HLA-E: variants seen among roughly 807,000 people sequenced by gnomAD.
HLA-E encodes the protein major histocompatibility complex, class I, E, also known as HLA class I histocompatibility antigen, alpha chain E.
Under a neutral mutation model 43.4 loss-of-function variants are expected in HLA-E, and 25 were observed. The ratio of observed to expected loss-of-function variants is 0.58; its 90% CI spans 0.42 to 0.80. HLA-E has a LOEUF of 0.80. Ranked by LOEUF, HLA-E falls within the 30% of genes least tolerant of loss-of-function variation. HLA-E has a pLI of 0.00. For synonymous variants in HLA-E, 161 were observed against 197.6 expected (o/e 0.81, Z 1.55); for missense variants, 343 against 470.0 (o/e 0.73, Z 2.50).
rs768440051 is a variant in HLA-E at position 30,490,240 on chromosome 6, G to C, written c.335G>C (p.Gly112Ala). 1 of 1,611,794 alleles carries C rather than the reference G, an allele frequency of 6.2e-7. No homozygotes were observed. The highest frequency in any genetic ancestry group is 2.2e-5 in the East Asian group (1 of 44,878). The change falls in exon 3 of 8, where the codon GGG becomes GCG. Residue 112 changes from glycine (G) to alanine (A), a missense_variant and splice_region_variant. Coordinates refer to ENST00000376630, the MANE Select transcript of HLA-E (RefSeq NM_005516.6). The surrounding 1 kb of genome is among the most constrained non-coding windows in gnomAD (Gnocchi z 6.6). The stretch of plus-strand genomic sequence containing the variant: ...GGGACTGACTAAGGGGCGGGGCCAG[G>C]GTCTCACACCCTGCAGTGGATGCAT... ...LRGYYNQSEAGSHTLQWMHGC... is the reference protein window; with the variant it reads ...LRGYYNQSEAASHTLQWMHGC...
chr6:30,490,545 T>A lies in HLA-E; in HGVS notation c.610+30T>A, dbSNP rs41265828. 27,184 of 1,600,164 alleles carry A rather than the reference T, an allele frequency of 0.017. 318 individuals carry two copies. The highest frequency in any genetic ancestry group is 0.02 in the Non-Finnish European group (23,803 of 1,172,668). On this transcript the variant is annotated intron_variant, in intron 3 of 7. Transcript: ENST00000376630. The surrounding 1 kb of genome is among the most constrained non-coding windows in gnomAD (Gnocchi z 6.6). ...GAGGGTCCACAGGGCTACTCTCCCA[T>A]CTCCTTCTTGGGCTAGGACTGTGCC...
chr6:30,491,026 C>T lies in HLA-E; in HGVS notation c.611-111C>T. 1 of 1,441,126 alleles carries T rather than the reference C, an allele frequency of 6.9e-7. No individual in the cohort carries two copies. Among genetic ancestry groups the T allele is most frequent in the Non-Finnish European group, 9.5e-7 (1 of 1,053,402 alleles). The allele number at this position is 1,441,126 out of a possible 1,614,324, so 89.3% of individuals were successfully genotyped here. On this transcript the variant is annotated intron_variant, in intron 3 of 7. Coordinates refer to ENST00000376630, the MANE Select transcript of HLA-E (RefSeq NM_005516.6). The surrounding 1 kb of genome is among the most constrained non-coding windows in gnomAD (Gnocchi z 5.4). ...TCCAGGCTGGTGTCAAGGTTTTGTC[C>T]TCTTCTCCTACTATAATTGTCCTCT...
Position 30,492,345 on chromosome 6 carries a change from C to G in HLA-E, c.1004-59C>G. 6.3e-7 allele frequency: 1 copy of G among 1,588,296 alleles called. No individual in the cohort carries two copies. Among genetic ancestry groups the G allele is most frequent in the East Asian group, 2.2e-5 (1 of 44,744 alleles). ...TGGGATCCAAAACTAGGAGGTTCCTCTAGGACCTTATGGCCCTGCCTCCTC... is the reference window on the plus strand; with the variant it reads ...TGGGATCCAAAACTAGGAGGTTCCTGTAGGACCTTATGGCCCTGCCTCCTC... On this transcript the variant is annotated intron_variant, in intron 5 of 7. Coordinates refer to ENST00000376630, the MANE Select transcript of HLA-E (RefSeq NM_005516.6). The surrounding 1 kb of genome is among the most constrained non-coding windows in gnomAD (Gnocchi z 4.5).
Position 30,490,288 on chromosome 6 carries a change from G to A in HLA-E, c.383G>A (p.Gly128Glu). The change falls in exon 3 of 8, where the codon GGG becomes GAG. Residue 128 changes from glycine to glutamate, a missense_variant. This residue lies in a region of HLA-E where 59 missense variants were observed against 42.0 expected (regional missense o/e 1.40). Coordinates refer to ENST00000376630, the MANE Select transcript of HLA-E (RefSeq NM_005516.6). This position sits in a 1 kb window ranked among gnomAD's most constrained non-coding sequence, Gnocchi z 6.6. ...CATGGCTGCGAGCTGGGGCCCGACG[G>A]GCGCTTCCTCCGCGGGTATGAACAG... is the stretch of plus-strand genomic sequence containing the variant. Reference protein sequence around the residue: ...WMHGCELGPDGRFLRGYEQFA... With the variant: ...WMHGCELGPDERFLRGYEQFA... The A allele has an allele frequency of 1.9e-6, 3 of 1,613,068 alleles. No homozygotes were observed. Among genetic ancestry groups the A allele is most frequent in the Non-Finnish European group, 2.5e-6 (3 of 1,180,018 alleles).
In HLA-E at chr6:30,492,772, G is replaced by A. The variant is rs1018873011; in HGVS notation, c.*26G>A. 2.3e-5 allele frequency: 16 copies of A among 699,642 alleles called. No homozygotes were observed. The highest frequency in any genetic ancestry group is 5.2e-5 in the South Asian group (3 of 57,494). The allele number at this position is 699,642 out of a possible 1,614,324, so 43.3% of individuals were successfully genotyped here. On this transcript the variant is annotated 3_prime_UTR_variant, in exon 8 of 8. Transcript: ENST00000376630. This position sits in a 1 kb window ranked among gnomAD's most constrained non-coding sequence, Gnocchi z 4.5. ...AGCCTGAGACAGCTGCCTTGTGTGC[G>A]ACTGAGATGCACAGCTGCCTTGTGT... is the stretch of plus-strand genomic sequence containing the variant.
In HLA-E at chr6:30,492,843, G is replaced by C; in HGVS notation, c.*97G>C. The C allele has an allele frequency of 1.6e-6, 1 of 614,256 alleles. No individual in the cohort carries two copies. Among genetic ancestry groups the C allele is most frequent in the Non-Finnish European group, 2.9e-6 (1 of 345,608 alleles). 38.1% of individuals were successfully genotyped at this position (614,256 alleles called of 1,614,324 possible). ...CCTCACGCCTCCCCTATGTGTCTTAGGGGACTCTGGCTTCTCTTTTTGCAA... is the reference window on the plus strand; with the variant it reads ...CCTCACGCCTCCCCTATGTGTCTTACGGGACTCTGGCTTCTCTTTTTGCAA... On this transcript the variant is annotated 3_prime_UTR_variant, in exon 8 of 8. Coordinates refer to ENST00000376630, the MANE Select transcript of HLA-E (RefSeq NM_005516.6). This position sits in a 1 kb window ranked among gnomAD's most constrained non-coding sequence, Gnocchi z 4.5.
At position 30,490,452 on chromosome 6, in the gene HLA-E, G is replaced by C; in HGVS notation, c.547G>C (p.Asp183His). ...GGAGCACCAGAGAGCCTACCTGGAA[G>C]ACACATGCGTGGAGTGGCTCCACAA... is the stretch of plus-strand genomic sequence containing the variant. ...EAEHQRAYLE[D>H]TCVEWLHKYL... The change falls in exon 3 of 8, where the codon GAC becomes CAC. Residue 183 changes from aspartate (D) to histidine (H), a missense_variant. Asp to His is a moderately conservative substitution (Grantham distance 81, BLOSUM62 -1). Coordinates refer to ENST00000376630, the MANE Select transcript of HLA-E (RefSeq NM_005516.6). This position sits in a 1 kb window ranked among gnomAD's most constrained non-coding sequence, Gnocchi z 6.6. 6.2e-7 allele frequency: 1 copy of C among 1,613,138 alleles called. No homozygotes were observed. Among genetic ancestry groups the C allele is most frequent in the Non-Finnish European group, 8.5e-7 (1 of 1,180,046 alleles).
chr6:30,491,782 G>T lies in HLA-E; in HGVS notation c.1003+129G>T. On this transcript the variant is annotated intron_variant, in intron 5 of 7. Coordinates refer to ENST00000376630, the MANE Select transcript of HLA-E (RefSeq NM_005516.6). This position sits in a 1 kb window ranked among gnomAD's most constrained non-coding sequence, Gnocchi z 5.4. ...CACACACGAGCCTACCCAGCCTGGG[G>T]CCCTGTGTGCCAGCACCTACTCTTT... The T allele has an allele frequency of 1.4e-6, 1 of 735,104 alleles. No homozygotes were observed. Among genetic ancestry groups the T allele is most frequent in the Non-Finnish European group, 2.3e-6 (1 of 441,204 alleles). The allele number at this position is 735,104 out of a possible 1,614,324, so 45.5% of individuals were successfully genotyped here.
At position 30,491,437 on chromosome 6, in the gene HLA-E, G is replaced by T. The variant is rs768537691; in HGVS notation, c.886+25G>T. The T allele has an allele frequency of 9.3e-6, 15 of 1,613,154 alleles. No homozygotes were observed. The highest frequency in any genetic ancestry group is 1.3e-5 in the Non-Finnish European group (15 of 1,179,396). On this transcript the variant is annotated intron_variant, in intron 4 of 7. Coordinates refer to ENST00000376630, the MANE Select transcript of HLA-E (RefSeq NM_005516.6). The surrounding 1 kb of genome is among the most constrained non-coding windows in gnomAD (Gnocchi z 5.4). ...AGTAAGGAGGGGGATGGGAGGTCAT[G>T]TCTCTTCTCAGGGAAAGCGGGAGCC...
At position 30,491,479 on chromosome 6, in the gene HLA-E, G is replaced by A. The variant is rs1796533596; in HGVS notation, c.887-58G>A. ...GCGGGAGCCCTTCTGGAGCCCTTCC[G>A]CAGGGTCAGGGCTGAGGCCTGGGGG... On this transcript the variant is annotated intron_variant, in intron 4 of 7. Coordinates refer to ENST00000376630, the MANE Select transcript of HLA-E (RefSeq NM_005516.6). This position sits in a 1 kb window ranked among gnomAD's most constrained non-coding sequence, Gnocchi z 5.4. The A allele has an allele frequency of 1.3e-5, 21 of 1,609,766 alleles. No individual in the cohort carries two copies. Among genetic ancestry groups the A allele is most frequent in the Admixed American group, 5.0e-5 (3 of 59,884 alleles).
chr6:30,492,070 G>A lies in HLA-E; in HGVS notation c.1004-334G>A, dbSNP rs1257053686. On this transcript the variant is annotated intron_variant, in intron 5 of 7. Coordinates refer to ENST00000376630, the MANE Select transcript of HLA-E (RefSeq NM_005516.6). The surrounding 1 kb of genome is among the most constrained non-coding windows in gnomAD (Gnocchi z 4.5). ...CCTGCCTCGGCCTCCCAAAGTGCTG[G>A]GATTACAGTCGTGAGCCACCGCACC... Among the ~76,000 whole-genome samples the A allele has an allele frequency of 5.9e-5, 9 of 152,014 alleles. No homozygotes were observed. The highest frequency in any genetic ancestry group is 1.7e-4 in the African/African-American group (7 of 41,352).
rs146998432 is a variant in HLA-E at position 30,490,489 on chromosome 6, A to G, written c.584A>G (p.Lys195Arg). 6.8e-5 allele frequency: 109 copies of G among 1,612,950 alleles called. 1 individual carries two copies. The African/African-American group carries it at 1.3e-3, about 19-fold the overall frequency. Residue 195 changes from lysine to arginine, a missense_variant, in exon 3 of 8, where the codon AAG (lysine) becomes AGG (arginine). This residue lies in a region of HLA-E where 190 missense variants were observed against 283.6 expected (regional missense o/e 0.67). Coordinates refer to ENST00000376630, the MANE Select transcript of HLA-E (RefSeq NM_005516.6). This position sits in a 1 kb window ranked among gnomAD's most constrained non-coding sequence, Gnocchi z 6.6. ...CVEWLHKYLE[K>R]GKETLLHLEP... The stretch of plus-strand genomic sequence containing the variant: ...GAGTGGCTCCACAAATACCTGGAGA[A>G]GGGGAAGGAGACGCTGCTTCACCTG...
At position 30,489,738 on chromosome 6, in the gene HLA-E, TGAA is replaced by T; in HGVS notation, c.79_81del (p.Lys27del). On this transcript the variant is annotated inframe_deletion, in exon 2 of 8. Transcript: ENST00000376630. The surrounding 1 kb of genome is among the most constrained non-coding windows in gnomAD (Gnocchi z 5.6). ...TCCTCGCCCCCAGGCTCCCACTCCT[TGAA>T]GTATTTCCACACTTCCGTGTCCCGG... is the stretch of plus-strand genomic sequence containing the variant. 6.2e-7 allele frequency: 1 copy of T among 1,612,482 alleles called. No individual in the cohort carries two copies. The highest frequency in any genetic ancestry group is 8.5e-7 in the Non-Finnish European group (1 of 1,179,882).
Position 30,489,694 on chromosome 6 carries a change from T to G in HLA-E, c.65-32T>G. ...TCGGGGAGCCGCGCCGGGAGGAGGG[T>G]CGGGCCGATCTCAGCCCCTCCTCGC... On this transcript the variant is annotated intron_variant, in intron 1 of 7. Coordinates refer to ENST00000376630, the MANE Select transcript of HLA-E (RefSeq NM_005516.6). This position sits in a 1 kb window ranked among gnomAD's most constrained non-coding sequence, Gnocchi z 5.6. 1 of 1,608,834 alleles carries G rather than the reference T, an allele frequency of 6.2e-7. No homozygotes were observed. The highest frequency in any genetic ancestry group is 8.5e-7 in the Non-Finnish European group (1 of 1,178,300).
In HLA-E at chr6:30,489,540, T is replaced by C. The variant is rs1245235855; in HGVS notation, c.9T>C (p.Asp3=). The C allele has an allele frequency of 3.0e-5, 46 of 1,524,316 alleles. No individual in the cohort carries two copies. The highest frequency in any genetic ancestry group is 6.7e-5 in the Admixed American group (3 of 44,644). The allele number at this position is 1,524,316 out of a possible 1,614,324, so 94.4% of individuals were successfully genotyped here. The change falls in exon 1 of 8, where the codon GAT becomes GAC. Residue 3 remains aspartate, a synonymous_variant. Transcript: ENST00000376630. This position sits in a 1 kb window ranked among gnomAD's most constrained non-coding sequence, Gnocchi z 5.6. MV[D]GTLLLLLSEA... is the part of the protein sequence containing the mutation. ...ACTCAGAGGCTGGGATCATGGTAGA[T>C]GGAACCCTCCTTTTACTCCTCTCGG...
In HLA-E at chr6:30,490,331, G is replaced by C. The variant is rs747885495; in HGVS notation, c.426G>C (p.Lys142Asn). The change falls in exon 3 of 8, where the codon AAG (lysine) becomes AAC (asparagine). Residue 142 changes from lysine to asparagine, a missense_variant. Physicochemically the swap from Lys to Asn is moderately conservative, Grantham distance 94. Transcript: ENST00000376630. The surrounding 1 kb of genome is among the most constrained non-coding windows in gnomAD (Gnocchi z 6.6). Reference protein sequence around the residue: ...RGYEQFAYDGKDYLTLNEDLR... With the variant: ...RGYEQFAYDGNDYLTLNEDLR... ...ATGAACAGTTCGCCTACGACGGCAA[G>C]GATTATCTCACCCTGAATGAGGACC... 1 of 1,613,094 alleles carries C rather than the reference G, an allele frequency of 6.2e-7. No individual in the cohort carries two copies. Among genetic ancestry groups the C allele is most frequent in the Non-Finnish European group, 8.5e-7 (1 of 1,180,040 alleles).
In HLA-E at chr6:30,493,599, G is replaced by A. The variant is rs1280276678; in HGVS notation, c.*853G>A. 6.6e-6 allele frequency: 1 copy of A among 152,246 alleles called. No individual in the cohort carries two copies. Among genetic ancestry groups the A allele is most frequent in the Non-Finnish European group, 1.5e-5 (1 of 68,058 alleles). 9.4% of individuals were successfully genotyped at this position (152,246 alleles called of 1,614,324 possible). Reference sequence around the variant, plus strand: ...TACTGAAAGGTGGGGCCTTTGAGATGTGATTGGATCGTAAGGCTGTGCCTT... The same window carrying A: ...TACTGAAAGGTGGGGCCTTTGAGATATGATTGGATCGTAAGGCTGTGCCTT... On this transcript the variant is annotated 3_prime_UTR_variant, in exon 8 of 8. Transcript: ENST00000376630. The surrounding 1 kb of genome is among the most constrained non-coding windows in gnomAD (Gnocchi z 5.5).
Position 30,490,284 on chromosome 6 carries a change from G to T in HLA-E, c.379G>T (p.Asp127Tyr). 6.2e-7 allele frequency: 1 copy of T among 1,613,060 alleles called. No homozygotes were observed. Among genetic ancestry groups the T allele is most frequent in the Non-Finnish European group, 8.5e-7 (1 of 1,180,010 alleles). ...QWMHGCELGPDGRFLRGYEQF... is the reference protein window; with the variant it reads ...QWMHGCELGPYGRFLRGYEQF... ...GATGCATGGCTGCGAGCTGGGGCCCGACGGGCGCTTCCTCCGCGGGTATGA... is the reference window on the plus strand; with the variant it reads ...GATGCATGGCTGCGAGCTGGGGCCCTACGGGCGCTTCCTCCGCGGGTATGA... The change falls in exon 3 of 8, where the codon GAC becomes TAC. Residue 127 changes from aspartate to tyrosine, a missense_variant. This residue lies in a region of HLA-E where 59 missense variants were observed against 42.0 expected (regional missense o/e 1.40). Transcript: ENST00000376630. The surrounding 1 kb of genome is among the most constrained non-coding windows in gnomAD (Gnocchi z 6.6).
At position 30,490,881 on chromosome 6, in the gene HLA-E, T is replaced by G. The variant is rs757411175; in HGVS notation, c.611-256T>G. On this transcript the variant is annotated intron_variant, in intron 3 of 7. Coordinates refer to ENST00000376630, the MANE Select transcript of HLA-E (RefSeq NM_005516.6). This position sits in a 1 kb window ranked among gnomAD's most constrained non-coding sequence, Gnocchi z 6.6. ...TTTGGAGGTCTGACTCCAGCTTTTC[T>G]CAGTCACTCAGCATCCACACAGGCC... is the stretch of plus-strand genomic sequence containing the variant. Among the ~76,000 whole-genome samples, 1 of 152,142 alleles carries G rather than the reference T, an allele frequency of 6.6e-6. No individual in the cohort carries two copies. Among genetic ancestry groups the G allele is most frequent in the Admixed American group, 6.5e-5 (1 of 15,284 alleles).
Sources: allele counts gnomAD v4.1 joint callset (sites outside exome capture counted in the v4.1 genomes callset), GRCh38; gene constraint gnomAD v4.1.1; regional missense constraint gnomAD v4.1.1; non-coding constraint Gnocchi (gnomAD v3.1); transcripts MANE v1.5; gene names NCBI Gene and HGNC (gene_info 2026-07-23, HGNC 2026-07-21).